Variants in PPFIA3 observed in about 807,000 individuals in gnomAD.
PPFIA3 encodes the protein PPFI scaffold protein A3, also known as liprin-alpha-3.
In PPFIA3, 26 loss-of-function variants were observed where a neutral mutation model predicts 145.8. That is an observed-to-expected ratio of 0.18 (90% CI 0.13 to 0.25). PPFIA3 has a LOEUF of 0.25. Among genes scored for constraint, PPFIA3 ranks in the 10% least tolerant of loss-of-function variants. PPFIA3 has a pLI of 1.00. For synonymous variants in PPFIA3, 645 were observed against 661.4 expected (o/e 0.98, Z 0.38); for missense variants, 1,008 against 1,587.8 (o/e 0.63, Z 6.21).
Position 49,135,798 on chromosome 19 carries a change from C to T in PPFIA3, c.1540C>T (p.Leu514=). 1.2e-6 allele frequency: 2 copies of T among 1,612,528 alleles called. No individual in the cohort carries two copies. Among genetic ancestry groups the T allele is most frequent in the South Asian group, 1.1e-5 (1 of 90,880 alleles). ...SYSRSLPGSA[L]ELRYSQAPTL... The stretch of plus-strand genomic sequence containing the variant: ...CCACAGGTCTCTCCCTGGCAGTGCC[C>T]TGGAGCTCCGTTACTCTCAGGCACC... Residue 514 remains leucine (L), a synonymous_variant, in exon 14 of 30, where the codon CTG becomes TTG. Coordinates refer to ENST00000334186, the MANE Select transcript of PPFIA3 (RefSeq NM_003660.4).
intron 21 of PPFIA3, among the ~76,000 whole-genome samples, chr19:49,144,787 A>T (rs932773704): frequency 6.6e-6 from 1 of 152,040 alleles, no homozygotes; most frequent in African/African-American, 2.4e-5. Flanking sequence ...AGAGACCTGT[A>T]CTTGAATGTA....
rs1459299010 is a variant in PPFIA3 at position 49,130,497 on chromosome 19, G to T, written c.777G>T (p.Leu259=). 1 of 1,599,356 alleles carries T rather than the reference G, an allele frequency of 6.3e-7. No individual in the cohort carries two copies. The highest frequency in any genetic ancestry group is 1.1e-5 in the South Asian group (1 of 88,726). ...VCQLRERLAV[L]CRQMSQLEEE... is the part of the protein sequence containing the mutation. ...AGCTGCGGGAGCGCCTGGCGGTGCT[G>T]TGCCGTCAGATGAGCCAGCTGGAGG... Residue 259 remains leucine, a synonymous_variant, in exon 7 of 30, where the codon CTG becomes CTT. Coordinates refer to ENST00000334186, the MANE Select transcript of PPFIA3 (RefSeq NM_003660.4). The surrounding 1 kb of genome is among the most constrained non-coding windows in gnomAD (Gnocchi z 4.5).
At chr19:49,142,198 G>T in intron 20 of PPFIA3, 83 bp downstream of exon 20, 1 of 1,312,530 alleles carries the variant, frequency 7.6e-7, no homozygotes, top group Non-Finnish European at 1.1e-6. Context: ...GGTCCTCCTG[G>T]CGCACCCTGC....
In PPFIA3 at chr19:49,149,395, GGCCT is replaced by G. The variant is rs1416361052; in HGVS notation, c.3354+72_3354+75del. ...TCGAGAGGCTGAGCTGAGGGGGCGG[GGCCT>G]GACTATTAATGGTCACGGTTGGAGG... is the stretch of plus-strand genomic sequence containing the variant. On this transcript the variant is annotated intron_variant, in intron 27 of 29. Coordinates refer to ENST00000334186, the MANE Select transcript of PPFIA3 (RefSeq NM_003660.4). This position sits in a 1 kb window ranked among gnomAD's most constrained non-coding sequence, Gnocchi z 5.7. 8 of 1,599,554 alleles carry G rather than the reference GGCCT, an allele frequency of 5.0e-6. No individual in the cohort carries two copies. The highest frequency in any genetic ancestry group is 6.9e-6 in the Non-Finnish European group (8 of 1,167,592).
In PPFIA3 at chr19:49,128,664, T is replaced by G; in HGVS notation, c.343-184T>G. The G allele has an allele frequency of 1.3e-6, 1 of 755,094 alleles. No homozygotes were observed. Among genetic ancestry groups the G allele is most frequent in the South Asian group, 1.9e-5 (1 of 53,590 alleles). 46.8% of individuals were successfully genotyped at this position (755,094 alleles called of 1,614,324 possible). On this transcript the variant is annotated intron_variant, in intron 3 of 29. Coordinates refer to ENST00000334186, the MANE Select transcript of PPFIA3 (RefSeq NM_003660.4). This position sits in a 1 kb window ranked among gnomAD's most constrained non-coding sequence, Gnocchi z 4.1. ...ACTCCTTCCTCCCTGTCTCCATAAC[T>G]TTTCTCTTTTCTGTACCACCGGTTC... is the stretch of plus-strand genomic sequence containing the variant.
chr19:49,128,201 A>T lies in PPFIA3; in HGVS notation c.240+88A>T. ...GAAGGGGCCGGGCTTGGCGCCTGGA[A>T]GGGAGGAGTCTGGGCGAGGCTTGCC... On this transcript the variant is annotated intron_variant, in intron 2 of 29. Transcript: ENST00000334186. The surrounding 1 kb of genome is among the most constrained non-coding windows in gnomAD (Gnocchi z 4.1). 7.5e-6 allele frequency: 11 copies of T among 1,468,046 alleles called. No individual in the cohort carries two copies. In the South Asian group the frequency reaches 1.5e-4, roughly 20 times the overall value. The allele number at this position is 1,468,046 out of a possible 1,614,324, so 90.9% of individuals were successfully genotyped here. A position where few individuals can be genotyped will look rare whatever the true frequency, so the allele number is the denominator to read the frequency against.
At position 49,136,750 on chromosome 19, in the gene PPFIA3, C is replaced by T; in HGVS notation, c.1692C>T (p.Gly564=). Residue 564 remains glycine, a synonymous_variant, in exon 15 of 30, where the codon GGC becomes GGT. Coordinates refer to ENST00000334186, the MANE Select transcript of PPFIA3 (RefSeq NM_003660.4). ...ATTGGGAGCGGTCTGCCCCTGCGGG[C>T]TCCATACCACCCCCATTCCCTGGGG... is the stretch of plus-strand genomic sequence containing the variant. ...SKDWERSAPA[G]SIPPPFPGEL... 1 of 1,564,608 alleles carries T rather than the reference C, an allele frequency of 6.4e-7. No homozygotes were observed. Among genetic ancestry groups the T allele is most frequent in the Non-Finnish European group, 8.7e-7 (1 of 1,152,664 alleles).
intron 15 of PPFIA3, among the ~76,000 whole-genome samples, chr19:49,137,480 A>G (rs954284893): frequency 8.6e-5 from 13 of 151,998 alleles, no homozygotes; most frequent in Non-Finnish European, 1.8e-4. Flanking sequence ...AATGCAAAAA[A>G]TTAGCCAGGC....
intron 1 of PPFIA3, among the ~76,000 whole-genome samples, chr19:49,122,462 TAAC>T (rs1028938089): frequency 4.6e-5 from 7 of 152,200 alleles, no homozygotes; most frequent in African/African-American, 1.4e-4. Flanking sequence ...TCCAAAGTTC[TAAC>T]AACAAGTCCT....
intron 1 of PPFIA3, among the ~76,000 whole-genome samples, chr19:49,125,921 G>A (rs1568433373): frequency 1.6e-5 from 2 of 121,372 alleles, no homozygotes; most frequent in African/African-American, 6.6e-5. Flanking sequence ...TGGCCATACT[G>A]GTATTTTTTT....
chr19:49,123,728 C>T (rs2040964326), intron 1 of PPFIA3, among the ~76,000 whole-genome samples: 1 of 152,154 alleles, frequency 6.6e-6, no homozygotes, highest in Non-Finnish European at 1.5e-5. Flanking sequence ...AGGCGTGAAC[C>T]ACCGCACCTG....
At chr19:49,135,536 C>CT (rs1162659465) in intron 13 of PPFIA3, among the ~76,000 whole-genome samples, 1 of 152,066 alleles carries the variant, frequency 6.6e-6, no homozygotes, top group Non-Finnish European at 1.5e-5. Flanking sequence ...CCACATCCAG[C>CT]TAATTTTTTT....
At chr19:49,135,706 T>C in intron 13 of PPFIA3, 73 bp from the exon 14 acceptor site, 1 of 1,461,026 alleles carries the variant, frequency 6.8e-7, no homozygotes, top group Non-Finnish European at 9.2e-7. Flanking sequence ...GCCCTAGGTC[T>C]GTCTCTGTGA....
At chr19:49,148,571 C>T in intron 24 of PPFIA3, 95 bp from the exon 25 acceptor site, 2 of 1,025,286 alleles carry the variant, frequency 2.0e-6, no homozygotes, top group Non-Finnish European at 3.0e-6. Flanking sequence ...CCCACCCTTT[C>T]CAAGAAGAGC....
At chr19:49,126,352 G>C (rs2040998574) in intron 1 of PPFIA3, among the ~76,000 whole-genome samples, 1 of 151,908 alleles carries the variant, frequency 6.6e-6, no homozygotes, top group Non-Finnish European at 1.5e-5. Flanking sequence ...GGGTTCAAGC[G>C]ATTCTTGTGC....
At chr19:49,131,007 AC>A (rs1181141032) in intron 7 of PPFIA3, among the ~76,000 whole-genome samples, 12 of 137,058 alleles carry the variant, frequency 8.8e-5, no homozygotes, top group African/African-American at 3.3e-4. Context: ...AACTACAGGC[AC>A]CTGCCACCAT....
intron 25 of PPFIA3, 38 bp downstream of exon 25, chr19:49,148,801 G>A: frequency 1.3e-6 from 2 of 1,584,348 alleles, no homozygotes; most frequent in Non-Finnish European, 8.7e-7. Flanking sequence ...GAGCCAGGTG[G>A]AGGGCGTGGA....
intron 17 of PPFIA3, 57 bp from the exon 18 acceptor site, chr19:49,139,904 G>A: frequency 1.2e-6 from 2 of 1,613,254 alleles, no homozygotes; most frequent in South Asian, 2.2e-5. Context: ...ACAAGGACTT[G>A]GGAGGAGAGG....
intron 24 of PPFIA3, 194 bp from the exon 25 acceptor site, chr19:49,148,472 C>A: frequency 1.4e-6 from 1 of 734,198 alleles, no homozygotes; most frequent in Non-Finnish European, 2.2e-6. Flanking sequence ...TAACCCTGGA[C>A]CCCTTCCAGG....
Sources: allele counts gnomAD v4.1 joint callset (sites outside exome capture counted in the v4.1 genomes callset), GRCh38; gene constraint gnomAD v4.1.1; non-coding constraint Gnocchi (gnomAD v3.1); transcripts MANE v1.5; gene names NCBI Gene and HGNC (gene_info 2026-07-23, HGNC 2026-07-21).